The following AGBL4 variants were observed in gnomAD, a reference collection of about 807,000 sequenced individuals.
AGBL4 encodes AGBL carboxypeptidase 4.
AGBL4 carries 58 observed loss-of-function variants against 66.4 expected under a neutral mutation model. That is an observed-to-expected ratio of 0.87 (90% CI 0.71 to 1.09). AGBL4 has a LOEUF of 1.09. AGBL4 is among the 50% of genes least tolerant of loss of function. The probability of loss-of-function intolerance (pLI) is 0.00; values close to 1 mark genes in which losing one functional copy is unlikely to be tolerated. For synonymous variants in AGBL4, 234 were observed against 222.9 expected (o/e 1.05, Z -0.44); for missense variants, 579 against 631.0 (o/e 0.92, Z 0.88).
intron 6 of AGBL4, among the ~76,000 whole-genome samples, chr1:48,759,915 GA>G (rs1229688660): frequency 2.0e-5 from 3 of 152,204 alleles, no homozygotes; most frequent in Non-Finnish European, 2.9e-5. Flanking sequence ...GTAGGGGCTT[GA>G]AAAATGTTTA....
intron 4 of AGBL4, among the ~76,000 whole-genome samples, chr1:49,229,901 A>G (rs903656960): frequency 1.4e-5 from 2 of 143,932 alleles, no homozygotes; most frequent in African/African-American, 4.9e-5. Flanking sequence ...AGCAGCTGTC[A>G]TGCTGCAATG....
chr1:49,313,185 C>A (rs1187337896), intron 3 of AGBL4, among the ~76,000 whole-genome samples: 1 of 152,102 alleles, frequency 6.6e-6, no homozygotes, highest in Admixed American at 6.6e-5. Context: ...TCATCCATGT[C>A]CCTGCAAAGG....
intron 4 of AGBL4, among the ~76,000 whole-genome samples, chr1:49,050,981 C>G (rs1452547248): frequency 6.6e-6 from 1 of 151,980 alleles, no homozygotes; most frequent in Non-Finnish European, 1.5e-5. Flanking sequence ...TTGGAGGTTA[C>G]CAGAACATAA....
At chr1:49,262,416 G>A (rs906886934) in intron 3 of AGBL4, among the ~76,000 whole-genome samples, 3 of 151,904 alleles carry the variant, frequency 2.0e-5, no homozygotes, top group Non-Finnish European at 2.9e-5. Flanking sequence ...TCTGACAAAG[G>A]GCTAATATCC....
At chr1:48,626,764 C>G (rs143252661) in intron 9 of AGBL4, among the ~76,000 whole-genome samples, 373 of 152,304 alleles carry the variant, frequency 2.4e-3, no homozygotes, top group Middle Eastern at 3.4e-3. Context: ...CTGCAGGGAA[C>G]CTCTGGGATA....
intron 3 of AGBL4, among the ~76,000 whole-genome samples, chr1:49,564,522 G>T (rs1047949324): frequency 3.3e-5 from 5 of 152,054 alleles, no homozygotes; most frequent in African/African-American, 1.2e-4. Context: ...CTTCTCGTTG[G>T]TTTCAAAGAA....
intron 4 of AGBL4, among the ~76,000 whole-genome samples, chr1:49,122,054 A>T (rs757031402): frequency 9.9e-5 from 15 of 152,264 alleles, no homozygotes; most frequent in Non-Finnish European, 1.6e-4. Flanking sequence ...CCAGTTGCTA[A>T]GACCTTGGGA....
At chr1:48,965,933 A>G (rs1658380326) in intron 5 of AGBL4, among the ~76,000 whole-genome samples, 1 of 152,180 alleles carries the variant, frequency 6.6e-6, no homozygotes, top group South Asian at 2.1e-4. Flanking sequence ...TTTGGGAGGC[A>G]TGCACTGTAA....
chr1:49,684,070 G>A (rs1646745219), intron 3 of AGBL4, among the ~76,000 whole-genome samples: 1 of 152,062 alleles, frequency 6.6e-6, no homozygotes, highest in South Asian at 2.1e-4. Flanking sequence ...ATTCATAATG[G>A]GGCATAATAA....
At chr1:48,676,708 G>A (rs761366390) in intron 6 of AGBL4, among the ~76,000 whole-genome samples, 1 of 152,086 alleles carries the variant, frequency 6.6e-6, no homozygotes, top group Admixed American at 6.5e-5. Flanking sequence ...GTTCCTTCAC[G>A]CTTTCCCCTA....
In AGBL4 at chr1:49,904,136, C is replaced by A. The variant is rs368108954; in HGVS notation, c.35-52618G>T. On this transcript the variant is annotated intron_variant, in intron 1 of 13. Transcript: ENST00000371839. ...CTCCTGCTCTTTCCACTGTATCATA[C>A]TAAATCCATTCATATGGATACTTTT... is the stretch of plus-strand genomic sequence containing the variant. Among the ~76,000 whole-genome samples the A allele has an allele frequency of 3.2e-4, 49 of 152,254 alleles. 1 individual carries two copies. In the South Asian group the frequency reaches 9.5e-3, roughly 30 times the overall value.
chr1:49,064,346 C>T (rs916902035), intron 4 of AGBL4, among the ~76,000 whole-genome samples: 1 of 152,140 alleles, frequency 6.6e-6, no homozygotes, highest in Non-Finnish European at 1.5e-5. Context: ...CTGTTCCTTG[C>T]CAAAGCACAT....
intron 2 of AGBL4, among the ~76,000 whole-genome samples, chr1:49,788,344 G>A (rs1421010733): frequency 6.6e-6 from 1 of 151,092 alleles, no homozygotes; most frequent in Admixed American, 6.6e-5. Context: ...GATAAAAAAA[G>A]AACCAAGAAT....
Position 48,647,631 on chromosome 1 carries a change from CA to C in AGBL4, c.839+5705del, listed in dbSNP as rs1220241618. On this transcript the variant is annotated intron_variant, in intron 8 of 13. Transcript: ENST00000371839. Reference sequence around the variant, plus strand: ...CTAATTAAGAAATGCAAACCCAACACAGGGTTTCATATTGTTGTACGGAGAT... The same window carrying C: ...CTAATTAAGAAATGCAAACCCAACACGGGTTTCATATTGTTGTACGGAGAT... 6 of 452,198 alleles carry C rather than the reference CA, an allele frequency of 1.3e-5. 1 individual carries two copies. The highest frequency in any genetic ancestry group is 2.7e-5 in the Non-Finnish European group (6 of 225,814). 28.0% of individuals were successfully genotyped at this position (452,198 alleles called of 1,614,324 possible). A position where few individuals can be genotyped will look rare whatever the true frequency, so the allele number is the denominator to read the frequency against.
intron 3 of AGBL4, among the ~76,000 whole-genome samples, chr1:49,641,476 T>C (rs1355184543): frequency 6.6e-6 from 1 of 152,068 alleles, no homozygotes; most frequent in African/African-American, 2.4e-5. Flanking sequence ...GACTGCAACA[T>C]TTCGTTCCAC....
At chr1:49,440,871 G>A (rs936253129) in intron 3 of AGBL4, among the ~76,000 whole-genome samples, 2 of 152,002 alleles carry the variant, frequency 1.3e-5, no homozygotes, top group Admixed American at 6.5e-5. Context: ...ATGAAGCTGG[G>A]GACACTGAGT....
At chr1:49,583,706 T>C (rs946135926) in intron 3 of AGBL4, among the ~76,000 whole-genome samples, 3 of 152,110 alleles carry the variant, frequency 2.0e-5, no homozygotes, top group Admixed American at 1.3e-4. Context: ...GCCAGAAGTG[T>C]TGAGAGTTAA....
rs1036099147 is a variant in AGBL4 at position 48,634,597 on chromosome 1, G to C, written c.847C>G (p.Leu283Val). The C allele has an allele frequency of 1.3e-6, 2 of 1,597,804 alleles. No homozygotes were observed. The highest frequency in any genetic ancestry group is 1.6e-4 in the Middle Eastern group (1 of 6,062). ...TGACGATTCAGATCAAATCCCATCAGAGAACACCTAGGCAGTACCCAAAGT... is the reference window on the plus strand; with the variant it reads ...TGACGATTCAGATCAAATCCCATCACAGAACACCTAGGCAGTACCCAAAGT... ...GVYLGNYRCS[L>V]MGFDLNRHWL... The change falls in exon 9 of 14, where the codon CTG (leucine) becomes GTG (valine). Residue 283 changes from leucine (L) to valine (V), a missense_variant. Transcript: ENST00000371839.
chr1:49,957,314 G>T (rs1391499735), intron 1 of AGBL4, among the ~76,000 whole-genome samples: 1 of 152,104 alleles, frequency 6.6e-6, no homozygotes, highest in Non-Finnish European at 1.5e-5. Context: ...GCGATGTGGT[G>T]CTGAGAAGAA....
Sources: allele counts gnomAD v4.1 joint callset (sites outside exome capture counted in the v4.1 genomes callset), GRCh38; gene constraint gnomAD v4.1.1; transcripts MANE v1.5; gene names NCBI Gene and HGNC (gene_info 2026-07-23, HGNC 2026-07-21).